Variants in BMAL1 observed in about 807,000 individuals in gnomAD.
BMAL1 encodes basic helix-loop-helix ARNT like 1.
the BMAL1 span, among the ~76,000 whole-genome samples, chr11:13,277,483 G>A: frequency 6.6e-6 from 1 of 152,136 alleles, no homozygotes; most frequent in Admixed American, 6.5e-5. Flanking sequence ...GTGCGCTCCT[G>A]TGCGCCAAAT....
At chr11:13,350,050 G>A in the BMAL1 span, 1 of 152,192 alleles carries the variant, frequency 6.6e-6, no homozygotes, top group Non-Finnish European at 1.5e-5. Context: ...TGGATCTGGG[G>A]TGTAAGAACT....
chr11:13,374,086 C>A, the BMAL1 span: 1 of 1,610,086 alleles, frequency 6.2e-7, no homozygotes, highest in South Asian at 1.1e-5. Context: ...TTCCTTTATT[C>A]CCTTTTAGGG....
At chr11:13,322,585 A>T in the BMAL1 span, among the ~76,000 whole-genome samples, 1 of 152,134 alleles carries the variant, frequency 6.6e-6, no homozygotes. Flanking sequence ...GCCTTATGTT[A>T]GGTGAAGGGA....
chr11:13,316,281 G>A, the BMAL1 span, among the ~76,000 whole-genome samples: 130,728 of 152,148 alleles, frequency 0.86, 58,534 homozygotes, highest in East Asian at 1. Flanking sequence ...TGAGGTCATT[G>A]CCTTAAGAGA....
At chr11:13,327,047 C>T in the BMAL1 span, among the ~76,000 whole-genome samples, 8 of 151,818 alleles carry the variant, frequency 5.3e-5, no homozygotes, top group Non-Finnish European at 8.8e-5. Flanking sequence ...GTCTCGATCT[C>T]CTGACCTCGT....
chr11:13,298,902 C>T, the BMAL1 span, among the ~76,000 whole-genome samples: 81 of 152,314 alleles, frequency 5.3e-4, 1 homozygote, highest in African/African-American at 1.9e-3. Context: ...CAGTAGTGGG[C>T]TTATCTCACA....
chr11:13,281,649 A>G, the BMAL1 span, among the ~76,000 whole-genome samples: 3 of 152,080 alleles, frequency 2.0e-5, no homozygotes, highest in Admixed American at 6.5e-5. Context: ...AGCTGAGCCT[A>G]CAGACACGTG....
At chr11:13,288,589 A>G in the BMAL1 span, among the ~76,000 whole-genome samples, 3 of 151,772 alleles carry the variant, frequency 2.0e-5, no homozygotes, top group Admixed American at 6.6e-5. Flanking sequence ...ACTGCTAGGC[A>G]ATGGATAACC....
the BMAL1 span, among the ~76,000 whole-genome samples, chr11:13,348,492 G>A: frequency 6.6e-6 from 1 of 152,186 alleles, no homozygotes; most frequent in East Asian, 1.9e-4. Flanking sequence ...AAGTGGCTGG[G>A]CCCATCCCTT....
the BMAL1 span, among the ~76,000 whole-genome samples, chr11:13,382,499 G>A: frequency 7.2e-4 from 109 of 152,222 alleles, no homozygotes; most frequent in African/African-American, 2.3e-3. Flanking sequence ...TTGGTGTCCC[G>A]TGACCCCCGC....
At chr11:13,286,741 A>C in the BMAL1 span, among the ~76,000 whole-genome samples, 1 of 152,220 alleles carries the variant, frequency 6.6e-6, no homozygotes, top group Non-Finnish European at 1.5e-5. Flanking sequence ...CTTTTGGTCC[A>C]GATAAGATTT....
chr11:13,374,566 TGAGA>T, the BMAL1 span, among the ~76,000 whole-genome samples: 1 of 152,224 alleles, frequency 6.6e-6, no homozygotes, highest in African/African-American at 2.4e-5. Context: ...TGCAGGCTCC[TGAGA>T]GAGACCAACA....
the BMAL1 span, among the ~76,000 whole-genome samples, chr11:13,299,874 G>A: frequency 6.6e-6 from 1 of 152,218 alleles, no homozygotes; most frequent in Non-Finnish European, 1.5e-5. Context: ...ATTAGCCTCA[G>A]AGACTTGAGG....
the BMAL1 span, among the ~76,000 whole-genome samples, chr11:13,363,127 C>CATATAT: frequency 6.2e-3 from 680 of 109,690 alleles, 15 homozygotes; most frequent in Non-Finnish European, 7.8e-3. Flanking sequence ...GTCTTTATTT[C>CATATAT]ATATATATAT....
At chr11:13,367,458 C>T in the BMAL1 span, among the ~76,000 whole-genome samples, 1,909 of 152,118 alleles carry the variant, frequency 0.013, 58 homozygotes, top group African/African-American at 0.044. Context: ...CCCAGCACTT[C>T]GGGAGGCTGA....
the BMAL1 span, among the ~76,000 whole-genome samples, chr11:13,291,080 C>T: frequency 6.6e-6 from 1 of 152,126 alleles, no homozygotes; most frequent in Non-Finnish European, 1.5e-5. Context: ...TTAAAGACAA[C>T]AAAAGAAATT....
chr11:13,345,981 T>C, the BMAL1 span, among the ~76,000 whole-genome samples: 1 of 152,186 alleles, frequency 6.6e-6, no homozygotes, highest in East Asian at 1.9e-4. Context: ...TGCAGGACTT[T>C]CAGTGCTGAA....
chr11:13,338,100 G>A, the BMAL1 span, among the ~76,000 whole-genome samples: 32 of 152,162 alleles, frequency 2.1e-4, no homozygotes, highest in African/African-American at 7.0e-4. Context: ...TGAGCTGTAC[G>A]ACTCATGCCT....
At chr11:13,345,083 T>C in the BMAL1 span, among the ~76,000 whole-genome samples, 5 of 152,126 alleles carry the variant, frequency 3.3e-5, no homozygotes, top group Admixed American at 1.3e-4. Context: ...GTCCCTATTT[T>C]CCTAAGCTCG....
Sources: gnomAD v4.1 joint callset for allele counts (sites outside exome capture counted in the v4.1 genomes callset) on GRCh38, gnomAD v4.1.1 for gene constraint, MANE v1.5 for transcripts, NCBI Gene and HGNC (gene_info 2026-07-23, HGNC 2026-07-21) for gene names.